The following TUBGCP3 variants were observed in gnomAD, a reference collection of about 807,000 sequenced individuals.
The protein encoded by TUBGCP3 is tubulin gamma complex component 3, also known as gamma-tubulin complex component 3.
A neutral mutation model predicts 123.1 loss-of-function variants in TUBGCP3; 50 were observed. The observed-to-expected ratio is 0.41, with a 90% CI of 0.32 to 0.51. The LOEUF (loss-of-function observed/expected upper bound fraction) is 0.51, where lower values mean the gene tolerates loss of function less well. Ranked by LOEUF, TUBGCP3 falls within the 20% of genes least tolerant of loss-of-function variation. The pLI, the probability that TUBGCP3 is intolerant of heterozygous loss-of-function variation, is 0.36. For missense variants in TUBGCP3, 882 were observed against 1,127.0 expected, an observed-to-expected ratio of 0.78 and a Z score of 3.11; for synonymous variants, 405 against 413.9, an observed-to-expected ratio of 0.98 and a Z score of 0.26.
At chr13:112,550,619 G>A (rs1879480643) in intron 8 of TUBGCP3, among the ~76,000 whole-genome samples, 1 of 152,224 alleles carries the variant, frequency 6.6e-6, no homozygotes, top group South Asian at 2.1e-4. Context: ...GTAACGTAGG[G>A]CAAGCGCCTG....
intron 3 of TUBGCP3, among the ~76,000 whole-genome samples, 189 bp downstream of exon 3, chr13:112,564,922 G>A (rs1880836583): frequency 6.6e-6 from 1 of 152,112 alleles, no homozygotes; most frequent in Admixed American, 6.5e-5. Context: ...AAGCAATTTA[G>A]CATTAAATCC....
chr13:112,502,542 CTTTTT>C (rs10710530), intron 19 of TUBGCP3, among the ~76,000 whole-genome samples: 3 of 114,368 alleles, frequency 2.6e-5, no homozygotes, highest in African/African-American at 3.6e-5. Context: ...TACATTTCTT[CTTTTT>C]TTTTTTTTTT....
At chr13:112,492,226 A>T (rs899245058) in intron 20 of TUBGCP3, among the ~76,000 whole-genome samples, 1 of 152,244 alleles carries the variant, frequency 6.6e-6, no homozygotes, top group East Asian at 1.9e-4. Flanking sequence ...CAACCTATGT[A>T]TACCTGTTTT....
chr13:112,569,751 G>A (rs552879630), intron 1 of TUBGCP3, among the ~76,000 whole-genome samples: 2 of 152,248 alleles, frequency 1.3e-5, no homozygotes, highest in South Asian at 4.1e-4. Context: ...TAAAATTGAG[G>A]ATAAAGGAGT....
At position 112,545,880 on chromosome 13, in the gene TUBGCP3, G is replaced by A. The variant is rs768007223; in HGVS notation, c.1169-15C>T. 6.2e-7 allele frequency: 1 copy of A among 1,605,466 alleles called. No individual in the cohort carries two copies. Among genetic ancestry groups the A allele is most frequent in the South Asian group, 1.1e-5 (1 of 90,942 alleles). ...TCCTTTCCTTCCTGGGAGAAATGGA[G>A]GAAAATACACAAAAACATCCACATT... is the stretch of plus-strand genomic sequence containing the variant. On this transcript the variant is annotated splice_polypyrimidine_tract_variant and intron_variant, in intron 10 of 21. Coordinates refer to ENST00000261965, the MANE Select transcript of TUBGCP3 (RefSeq NM_006322.6). The surrounding 1 kb of genome is among the most constrained non-coding windows in gnomAD (Gnocchi z 4.1).
chr13:112,517,546 T>C (rs898059811), intron 16 of TUBGCP3, among the ~76,000 whole-genome samples: 1 of 152,230 alleles, frequency 6.6e-6, no homozygotes, highest in African/African-American at 2.4e-5. Context: ...ATGAAAATAA[T>C]ACGTAATGTA....
At chr13:112,586,992 T>C (rs1441685792) in intron 1 of TUBGCP3, among the ~76,000 whole-genome samples, 3 of 152,162 alleles carry the variant, frequency 2.0e-5, no homozygotes, top group Non-Finnish European at 4.4e-5. Context: ...GCATGAAAGG[T>C]CAAAATGCAT....
chr13:112,504,057 C>T lies in TUBGCP3; in HGVS notation c.2282G>A (p.Arg761His), dbSNP rs768319104. The T allele has an allele frequency of 2.5e-6, 4 of 1,613,698 alleles. No individual in the cohort carries two copies. Among genetic ancestry groups the T allele is most frequent in the Non-Finnish European group, 2.5e-6 (3 of 1,179,770 alleles). ...CCTGGAGTCACTGTCCAGCAGGCAG[C>T]GGGAGATGATGGTGTCTAAGAACAC... is the stretch of plus-strand genomic sequence containing the variant. ...HEVFLDTIIS[R>H]CLLDSDSRAL... Residue 761 changes from arginine (R) to histidine (H), a missense_variant, in exon 19 of 22, where the codon CGC becomes CAC. Physicochemically the swap from Arg to His is conservative, Grantham distance 29. Transcript: ENST00000261965.
chr13:112,499,158 A>G lies in TUBGCP3; in HGVS notation c.2335T>C (p.Phe779Leu). The G allele has an allele frequency of 6.2e-7, 1 of 1,613,562 alleles. No individual in the cohort carries two copies. Among genetic ancestry groups the G allele is most frequent in the Non-Finnish European group, 8.5e-7 (1 of 1,179,884 alleles). Reference protein sequence around the residue: ...RALLNQLRAVFDQIIELQNAQ... With the variant: ...RALLNQLRAVLDQIIELQNAQ... Reference sequence around the variant, plus strand: ...TTCTGAAGTTCAATAATTTGATCAAACACAGCTCTAAGTTGATTTAAAAGT... The same window carrying G: ...TTCTGAAGTTCAATAATTTGATCAAGCACAGCTCTAAGTTGATTTAAAAGT... Residue 779 changes from phenylalanine to leucine, a missense_variant, in exon 20 of 22, where the codon TTT becomes CTT. Phe to Leu is a conservative substitution (Grantham distance 22). This residue lies in a region of TUBGCP3 where 160 missense variants were observed against 220.3 expected (regional missense o/e 0.73). Transcript: ENST00000261965.
In TUBGCP3 at chr13:112,586,937, T is replaced by C. The variant is rs116689067; in HGVS notation, c.76+968A>G. On this transcript the variant is annotated intron_variant, in intron 1 of 21. Coordinates refer to ENST00000261965, the MANE Select transcript of TUBGCP3 (RefSeq NM_006322.6). ...AAAATTATTCATGATTGCCCCAAGA[T>C]TATCATAGAACATCCAATGAATTAT... 5.7e-3 allele frequency among the ~76,000 whole-genome samples: 875 copies of C among 152,276 alleles called. 9 individuals are homozygous for C. Among genetic ancestry groups the C allele is most frequent in the African/African-American group, 0.02 (841 of 41,542 alleles).
intron 20 of TUBGCP3, among the ~76,000 whole-genome samples, chr13:112,490,796 C>T (rs2139185847): frequency 6.6e-6 from 1 of 152,302 alleles, no homozygotes; most frequent in South Asian, 2.1e-4. Flanking sequence ...TCACAGAGCA[C>T]AAAGCTGACC....
intron 3 of TUBGCP3, among the ~76,000 whole-genome samples, chr13:112,563,954 T>G (rs1880747069): frequency 6.6e-6 from 1 of 151,924 alleles, no homozygotes; most frequent in Non-Finnish European, 1.5e-5. Flanking sequence ...CTAGATGAAA[T>G]CTCCCTTTGG....
intron 1 of TUBGCP3, among the ~76,000 whole-genome samples, chr13:112,584,531 G>A (rs1182243341): frequency 6.6e-6 from 1 of 152,168 alleles, no homozygotes; most frequent in Non-Finnish European, 1.5e-5. Flanking sequence ...GGAAAATCAT[G>A]AAACCAATAG....
intron 11 of TUBGCP3, among the ~76,000 whole-genome samples, chr13:112,537,445 T>C (rs1351140273): frequency 6.6e-6 from 1 of 152,184 alleles, no homozygotes; most frequent in Non-Finnish European, 1.5e-5. Flanking sequence ...TGTCTTACAT[T>C]GATTGACTTT....
the TUBGCP3 span, among the ~76,000 whole-genome samples, chr13:112,600,871 GTTTC>G: frequency 6.6e-6 from 1 of 152,072 alleles, no homozygotes; most frequent in Non-Finnish European, 1.5e-5. Flanking sequence ...GGGGAACACT[GTTTC>G]TTTGATTCTA....
At chr13:112,561,589 A>G (rs1206977343) in intron 3 of TUBGCP3, among the ~76,000 whole-genome samples, 1 of 152,142 alleles carries the variant, frequency 6.6e-6, no homozygotes, top group Non-Finnish European at 1.5e-5. Context: ...TCACCAAAAG[A>G]GAGAAGACAG....
intron 2 of TUBGCP3, among the ~76,000 whole-genome samples, chr13:112,566,908 T>C (rs1482402232): frequency 6.6e-6 from 1 of 152,238 alleles, no homozygotes; most frequent in East Asian, 1.9e-4. Flanking sequence ...ATATAAAACA[T>C]ACTAGCACTT....
intron 3 of TUBGCP3, among the ~76,000 whole-genome samples, chr13:112,559,888 A>G (rs1880354719): frequency 6.6e-6 from 1 of 152,234 alleles, no homozygotes; most frequent in Non-Finnish European, 1.5e-5. Context: ...TAATCCCAGC[A>G]CTTTGGAAGG....
intron 13 of TUBGCP3, among the ~76,000 whole-genome samples, chr13:112,526,460 CCAT>C (rs1429105863): frequency 7.1e-6 from 1 of 141,170 alleles, no homozygotes; most frequent in Non-Finnish European, 1.6e-5. Context: ...CCACCCATCC[CCAT>C]CATTATCACT....
Sources: gnomAD v4.1 joint callset for allele counts (sites outside exome capture counted in the v4.1 genomes callset) on GRCh38, gnomAD v4.1.1 for gene constraint, gnomAD v4.1.1 regional missense constraint, Gnocchi (gnomAD v3.1) non-coding constraint, MANE v1.5 for transcripts, NCBI Gene and HGNC (gene_info 2026-07-23, HGNC 2026-07-21) for gene names.